Variants in ATP9B observed in about 807,000 individuals in gnomAD.
The protein encoded by ATP9B is probable phospholipid-transporting ATPase IIB.
Under a neutral mutation model 146.1 loss-of-function variants are expected in ATP9B, and 110 were observed. That is an observed-to-expected ratio of 0.75 (90% CI 0.65 to 0.88). The LOEUF is 0.88. ATP9B is among the 40% of genes least tolerant of loss of function. The probability of loss-of-function intolerance (pLI) is 0.00; values close to 1 mark genes in which losing one functional copy is unlikely to be tolerated. For missense variants in ATP9B, 1,499 were observed against 1,496.4 expected (o/e 1.00, Z -0.03); for synonymous variants, 604 against 569.7 (o/e 1.06, Z -0.86).
chr18:79,208,753 GTA>G (rs1193752391), intron 10 of ATP9B, among the ~76,000 whole-genome samples: 2 of 151,250 alleles, frequency 1.3e-5, no homozygotes, highest in East Asian at 1.9e-4. Context: ...GTGTGTGTGT[GTA>G]TATATATATA....
At chr18:79,278,359 G>A (rs1286077116) in intron 13 of ATP9B, among the ~76,000 whole-genome samples, 12 of 152,146 alleles carry the variant, frequency 7.9e-5, no homozygotes, top group South Asian at 2.1e-4. Flanking sequence ...TCCACTATCC[G>A]TGCAGCAGTT....
At chr18:79,191,474 G>A (rs888575772) in intron 8 of ATP9B, among the ~76,000 whole-genome samples, 12 of 152,052 alleles carry the variant, frequency 7.9e-5, no homozygotes, top group African/African-American at 9.7e-5. Flanking sequence ...TAGACTCCGC[G>A]ATATTCCCTT....
intron 19 of ATP9B, among the ~76,000 whole-genome samples, chr18:79,341,523 C>T (rs1159744194): frequency 5.6e-5 from 5 of 89,518 alleles, no homozygotes; most frequent in African/African-American, 9.2e-5. Context: ...CTCGTTGAAG[C>T]CTGTGTTGCC....
chr18:79,112,225 T>C (rs1320022458), intron 3 of ATP9B, among the ~76,000 whole-genome samples: 1 of 152,192 alleles, frequency 6.6e-6, no homozygotes, highest in African/African-American at 2.4e-5. Flanking sequence ...ACCTTCTAAG[T>C]GGCATGGAAA....
intron 28 of ATP9B, 54 bp from the exon 29 acceptor site, chr18:79,375,340 C>T (rs8097299): frequency 0.2 from 290,482 of 1,464,136 alleles, 31,718 homozygotes; most frequent in African/African-American, 0.42. Context: ...CTTGAAATAT[C>T]CTGGTATCTC....
At chr18:79,237,694 G>A (rs1447770179) in intron 11 of ATP9B, among the ~76,000 whole-genome samples, 1 of 149,748 alleles carries the variant, frequency 6.7e-6, no homozygotes, top group Admixed American at 6.6e-5. Flanking sequence ...TTTTTTGGGG[G>A]GGGGTGGGGG....
intron 13 of ATP9B, among the ~76,000 whole-genome samples, chr18:79,295,795 G>A (rs974389498): frequency 1.1e-4 from 16 of 152,238 alleles, no homozygotes; most frequent in Middle Eastern, 3.4e-3. Context: ...TCCCTTAAAA[G>A]CAAGGTCCTA....
In ATP9B at chr18:79,372,831, T is replaced by A. The variant is rs774913142; in HGVS notation, c.3019T>A (p.Ser1007Thr). 9 of 1,610,014 alleles carry A rather than the reference T, an allele frequency of 5.6e-6. No individual in the cohort carries two copies. The East Asian group carries it at 2.0e-4, about 36-fold the overall frequency. Residue 1007 changes from serine to threonine, a missense_variant, in exon 27 of 30, where the codon TCC (serine) becomes ACC (threonine). Ser to Thr is a moderately conservative substitution (Grantham distance 58). Transcript: ENST00000426216. ...TCTTCCACTGTTTCCCTAGGGAAGATCCTTGTCCTTCAAAACCTTCCTCAT... is the reference window on the plus strand; with the variant it reads ...TCTTCCACTGTTTCCCTAGGGAAGAACCTTGTCCTTCAAAACCTTCCTCAT... ...ELYKDLTKGR[S>T]LSFKTFLIWV...
chr18:79,293,603 C>T (rs1254741911), intron 13 of ATP9B, among the ~76,000 whole-genome samples: 3 of 152,296 alleles, frequency 2.0e-5, no homozygotes, highest in East Asian at 3.9e-4. Context: ...AGCACCTCAG[C>T]CTCGGACTTT....
chr18:79,241,206 G>T lies in ATP9B; in HGVS notation c.1108-12175G>T, dbSNP rs573876356. On this transcript the variant is annotated intron_variant, in intron 11 of 29. Coordinates refer to ENST00000426216, the MANE Select transcript of ATP9B (RefSeq NM_198531.5). ...CAGTTATGCATTGATTTTTTTGGTT[G>T]TCTCAAGCATTTTGACTGCGTTTTT... 2.0e-5 allele frequency among the ~76,000 whole-genome samples: 3 copies of T among 152,232 alleles called. No individual in the cohort carries two copies. The South Asian group carries it at 6.2e-4, about 32-fold the overall frequency.
At position 79,213,976 on chromosome 18, in the gene ATP9B, G is replaced by T; in HGVS notation, c.1045G>T (p.Val349Phe). 1 of 1,606,432 alleles carries T rather than the reference G, an allele frequency of 6.2e-7. No individual in the cohort carries two copies. Among genetic ancestry groups the T allele is most frequent in the Non-Finnish European group, 8.5e-7 (1 of 1,177,410 alleles). The change falls in exon 11 of 30, where the codon GTT (valine) becomes TTT (phenylalanine). Residue 349 changes from valine to phenylalanine, a missense_variant. Physicochemically the swap from Val to Phe is conservative, Grantham distance 50. Coordinates refer to ENST00000426216, the MANE Select transcript of ATP9B (RefSeq NM_198531.5). ...TGTTTTTGCAGGTACTGTAATAGGT[G>T]TTGTCATTTATACCGGAAAAGAGAC... ...TIVASGTVIG[V>F]VIYTGKETRS... is the part of the protein sequence containing the mutation.
Position 79,374,023 on chromosome 18 carries a change from C to CA in ATP9B, c.3197dup (p.His1066GlnfsTer24), listed in dbSNP as rs759788696. 3 of 1,614,208 alleles carry CA rather than the reference C, an allele frequency of 1.9e-6. No homozygotes were observed. The highest frequency in any genetic ancestry group is 1.7e-6 in the Non-Finnish European group (2 of 1,180,028). ...GGTGGCGCTGACCGTCCGCACGTGG[C>CA]ACTGGCTGATGGTGGTGGCCGAGTT... On this transcript the variant is annotated frameshift_variant, in exon 28 of 30. Transcript: ENST00000426216. LOFTEE classifies it high-confidence loss of function.
At chr18:79,359,322 A>T in intron 25 of ATP9B, 32 bp from the exon 26 acceptor site, 1 of 1,519,562 alleles carries the variant, frequency 6.6e-7, no homozygotes, top group Non-Finnish European at 9.1e-7. Context: ...GAAGTTTCTC[A>T]CGCCCATTGC....
intron 15 of ATP9B, among the ~76,000 whole-genome samples, chr18:79,319,880 T>C (rs2096705676): frequency 6.6e-6 from 1 of 152,196 alleles, no homozygotes; most frequent in African/African-American, 2.4e-5. Context: ...AATTAATTTA[T>C]TATTAACCTA....
intron 8 of ATP9B, among the ~76,000 whole-genome samples, chr18:79,181,314 T>A (rs2095249908): frequency 6.6e-6 from 1 of 152,200 alleles, no homozygotes; most frequent in African/African-American, 2.4e-5. Flanking sequence ...AATTTAAGTG[T>A]GTTGATGCAT....
At chr18:79,337,590 C>T (rs961464427) in intron 19 of ATP9B, 141 bp downstream of exon 19, 58 of 1,169,376 alleles carry the variant, frequency 5.0e-5, no homozygotes, top group Non-Finnish European at 6.0e-5. Context: ...CACCAGCTCC[C>T]CTCCTTCCTT....
chr18:79,081,717 G>T (rs558979492), intron 1 of ATP9B, among the ~76,000 whole-genome samples: 5 of 151,460 alleles, frequency 3.3e-5, no homozygotes, highest in Middle Eastern at 3.4e-3. Flanking sequence ...AATTCTTTAA[G>T]AATGTTGAAT....
intron 15 of ATP9B, among the ~76,000 whole-genome samples, chr18:79,316,923 T>C (rs2096683722): frequency 6.6e-6 from 1 of 152,210 alleles, no homozygotes; most frequent in African/African-American, 2.4e-5. Context: ...TTCACACATA[T>C]GAAACTATCC....
chr18:79,369,426 G>A (rs11081531), intron 26 of ATP9B, among the ~76,000 whole-genome samples: 34,146 of 151,362 alleles, frequency 0.23, 4,392 homozygotes, highest in East Asian at 0.45. Context: ...CCAGCTACTC[G>A]GGAGGCTGAG....
Sources: gnomAD v4.1 joint callset for allele counts (sites outside exome capture counted in the v4.1 genomes callset) on GRCh38, gnomAD v4.1.1 for gene constraint, MANE v1.5 for transcripts, NCBI Gene and HGNC (gene_info 2026-07-23, HGNC 2026-07-21) for gene names.